SLC1A1: variants seen among roughly 807,000 people sequenced by gnomAD.
SLC1A1 encodes the protein solute carrier family 1 member 1, also known as excitatory amino acid transporter 3.
A neutral mutation model predicts 53.3 loss-of-function variants in SLC1A1; 43 were observed. The ratio of observed to expected loss-of-function variants is 0.81; its 90% CI spans 0.63 to 1.04. SLC1A1 has a LOEUF of 1.04. SLC1A1 is among the 50% of genes least tolerant of loss of function. SLC1A1 has a pLI of 0.00. For missense variants in SLC1A1, 748 were observed against 664.9 expected, an observed-to-expected ratio of 1.12 and a Z score of -1.37; for synonymous variants, 307 against 243.2, an observed-to-expected ratio of 1.26 and a Z score of -2.44.
intron 1 of SLC1A1, among the ~76,000 whole-genome samples, chr9:4,494,327 G>A (rs1820337578): frequency 6.6e-6 from 1 of 152,124 alleles, no homozygotes; most frequent in Non-Finnish European, 1.5e-5. Context: ...TATTAGAGGT[G>A]TGAAAGATAC....
At chr9:4,565,220 A>C (rs1192098749) in intron 4 of SLC1A1, among the ~76,000 whole-genome samples, 1 of 152,156 alleles carries the variant, frequency 6.6e-6, no homozygotes, top group Non-Finnish European at 1.5e-5. Context: ...TTTTATAGAA[A>C]CCATACCTTC....
At chr9:4,575,175 T>A (rs1820430741) in intron 8 of SLC1A1, among the ~76,000 whole-genome samples, 1 of 152,186 alleles carries the variant, frequency 6.6e-6, no homozygotes, top group Non-Finnish European at 1.5e-5. Context: ...ATCAAGAAGA[T>A]CCTCTCGCCA....
At chr9:4,573,312 C>A (rs1288024252) in intron 7 of SLC1A1, among the ~76,000 whole-genome samples, 1 of 152,180 alleles carries the variant, frequency 6.6e-6, no homozygotes, top group African/African-American at 2.4e-5. Flanking sequence ...CAAGGCAGGT[C>A]ACTTAATACT....
chr9:4,548,319 A>G (rs1167228687), intron 2 of SLC1A1, among the ~76,000 whole-genome samples: 3 of 152,156 alleles, frequency 2.0e-5, no homozygotes, highest in Admixed American at 6.5e-5. Flanking sequence ...TGCCCTCATG[A>G]ATCCAGCAGG....
chr9:4,500,456 T>C (rs1820594294), intron 1 of SLC1A1, among the ~76,000 whole-genome samples: 2 of 152,118 alleles, frequency 1.3e-5, no homozygotes, highest in South Asian at 4.2e-4. Context: ...TACAGGTGCC[T>C]GCCACCACAA....
At position 4,493,020 on chromosome 9, in the gene SLC1A1, A is replaced by G; in HGVS notation, c.91+2250A>G. Among the ~76,000 whole-genome samples the G allele has an allele frequency of 2.0e-5, 3 of 152,290 alleles. No homozygotes were observed. In the East Asian group the frequency reaches 5.8e-4, roughly 29 times the overall value. Reference sequence around the variant, plus strand: ...CCTGGCCTTTGGAATCAGTTGCGTGAATAAGAAGAAGTACATGCTCATTTT... The same window carrying G: ...CCTGGCCTTTGGAATCAGTTGCGTGGATAAGAAGAAGTACATGCTCATTTT... On this transcript the variant is annotated intron_variant, in intron 1 of 11. Transcript: ENST00000262352.
At chr9:4,496,327 C>T (rs1447002385) in intron 1 of SLC1A1, among the ~76,000 whole-genome samples, 2 of 152,020 alleles carry the variant, frequency 1.3e-5, no homozygotes, top group African/African-American at 2.4e-5. Context: ...TATTTGGAGG[C>T]ACTTAGGTGT....
chr9:4,515,444 T>TA (rs1298637921), intron 1 of SLC1A1, among the ~76,000 whole-genome samples: 9 of 152,160 alleles, frequency 5.9e-5, no homozygotes, highest in Admixed American at 1.3e-4. Context: ...CATGTGCAGG[T>TA]ATCCAGGTAG....
At chr9:4,585,270 G>A (rs779961334) in intron 11 of SLC1A1, 42 bp from the exon 12 acceptor site, 4 of 1,611,880 alleles carry the variant, frequency 2.5e-6, no homozygotes, top group Admixed American at 1.7e-5. Flanking sequence ...GAAGGAAAAT[G>A]AAATCTGGGC....
chr9:4,560,771 G>T (rs1429630227), intron 2 of SLC1A1, among the ~76,000 whole-genome samples: 1 of 151,418 alleles, frequency 6.6e-6, no homozygotes, highest in African/African-American at 2.4e-5. Context: ...CCAAGGTTGT[G>T]GATCACCTGA....
intron 1 of SLC1A1, among the ~76,000 whole-genome samples, chr9:4,503,332 C>T (rs1410765111): frequency 6.6e-6 from 1 of 151,850 alleles, no homozygotes; most frequent in East Asian, 1.9e-4. Flanking sequence ...ATTCATTTGG[C>T]AATCAATTAG....
At chr9:4,563,456 G>C (rs945667917) in intron 3 of SLC1A1, among the ~76,000 whole-genome samples, 1 of 152,204 alleles carries the variant, frequency 6.6e-6, no homozygotes, top group Non-Finnish European at 1.5e-5. Context: ...GAGGAAAAGA[G>C]TGGGCCATGC....
intron 1 of SLC1A1, among the ~76,000 whole-genome samples, chr9:4,539,524 C>T (rs1176190609): frequency 6.6e-6 from 1 of 152,114 alleles, no homozygotes; most frequent in Non-Finnish European, 1.5e-5. Flanking sequence ...TAGCTGAGAT[C>T]ATGGGTGTTT....
chr9:4,509,295 G>C (rs1820912446), intron 1 of SLC1A1, among the ~76,000 whole-genome samples: 1 of 152,164 alleles, frequency 6.6e-6, no homozygotes, highest in Non-Finnish European at 1.5e-5. Context: ...TAGGGACCTG[G>C]CAGGAAGCAG....
At position 4,576,593 on chromosome 9, in the gene SLC1A1, C is replaced by T; in HGVS notation, c.1023C>T (p.Phe341=). The T allele has an allele frequency of 6.2e-7, 1 of 1,614,206 alleles. No homozygotes were observed. Among genetic ancestry groups the T allele is most frequent in the Non-Finnish European group, 8.5e-7 (1 of 1,180,016 alleles). The change falls in exon 10 of 12, where the codon TTC becomes TTT. Residue 341 remains phenylalanine (F), a synonymous_variant. Transcript: ENST00000262352. ...GTTCAGCAACACTGCCTGTCACCTT[C>T]CGCTGTGCTGAAGAAAATAACCAGG... ...SSSSATLPVT[F]RCAEENNQVD...
At chr9:4,505,297 C>T (rs750331972) in intron 1 of SLC1A1, among the ~76,000 whole-genome samples, 3 of 152,086 alleles carry the variant, frequency 2.0e-5, no homozygotes, top group Non-Finnish European at 2.9e-5. Context: ...GATCCACCTG[C>T]CTTGGCCTCC....
At chr9:4,555,481 T>C (rs1203070378) in intron 2 of SLC1A1, among the ~76,000 whole-genome samples, 6 of 152,230 alleles carry the variant, frequency 3.9e-5, no homozygotes, top group Non-Finnish European at 7.3e-5. Flanking sequence ...GGAGTGTTTT[T>C]GTAAAAAGTT....
In SLC1A1 at chr9:4,576,652, T is replaced by C. The variant is rs1487580976; in HGVS notation, c.1082T>C (p.Val361Ala). The C allele has an allele frequency of 1.9e-6, 3 of 1,614,076 alleles. No homozygotes were observed. Among genetic ancestry groups the C allele is most frequent in the Admixed American group, 3.3e-5 (2 of 60,026 alleles). The change falls in exon 10 of 12, where the codon GTT becomes GCT. Residue 361 changes from valine (V) to alanine (A), a missense_variant. Physicochemically the swap from Val to Ala is moderately conservative, Grantham distance 64. Coordinates refer to ENST00000262352, the MANE Select transcript of SLC1A1 (RefSeq NM_004170.6). ...DKRITRFVLP[V>A]GATINMDGTA... Reference sequence around the variant, plus strand: ...AGGATCACTCGATTCGTGTTACCCGTTGGTGCAACAATCAACATGGATGGG... The same window carrying C: ...AGGATCACTCGATTCGTGTTACCCGCTGGTGCAACAATCAACATGGATGGG...
chr9:4,575,856 GTA>G lies in SLC1A1; in HGVS notation c.876-141_876-140del, dbSNP rs572361982. On this transcript the variant is annotated intron_variant, in intron 8 of 11. Transcript: ENST00000262352. ...TAAACCCTCATACATGGAATGGGAC[GTA>G]TATTCCTGCCCTACTCCCATTTCTT... The G allele has an allele frequency of 5.4e-4, 447 of 827,940 alleles. No homozygotes were observed. The African/African-American group carries it at 7.0e-3, about 13-fold the overall frequency. The allele number at this position is 827,940 out of a possible 1,614,324, so 51.3% of individuals were successfully genotyped here.
Sources: gnomAD v4.1 joint callset for allele counts (sites outside exome capture counted in the v4.1 genomes callset) on GRCh38, gnomAD v4.1.1 for gene constraint, MANE v1.5 for transcripts, NCBI Gene and HGNC (gene_info 2026-07-23, HGNC 2026-07-21) for gene names.